The following PTPRD variants were observed in gnomAD, a reference collection of about 807,000 sequenced individuals.
PTPRD encodes protein tyrosine phosphatase receptor type D, also known as receptor-type tyrosine-protein phosphatase delta.
Under a neutral mutation model 214.5 loss-of-function variants are expected in PTPRD, and 34 were observed. The observed-to-expected ratio is 0.16, with a 90% CI of 0.12 to 0.21. PTPRD has a LOEUF of 0.21. PTPRD is among the 10% of genes least tolerant of loss of function. The pLI, the probability that PTPRD is intolerant of heterozygous loss-of-function variation, is 1.00. For missense variants in PTPRD, 2,545 were observed against 2,398.7 expected (o/e 1.06, Z -1.27); for synonymous variants, 1,128 against 845.7 (o/e 1.33, Z -5.79).
intron 12 of PTPRD, among the ~76,000 whole-genome samples, chr9:8,671,307 A>C (rs1206012460): frequency 1.3e-5 from 2 of 152,142 alleles, no homozygotes; most frequent in Non-Finnish European, 2.9e-5. Flanking sequence ...AATACAACTA[A>C]AGTAAAATGA....
chr9:10,170,680 C>G (rs1423027350), intron 3 of PTPRD, among the ~76,000 whole-genome samples: 1 of 152,160 alleles, frequency 6.6e-6, no homozygotes, highest in African/African-American at 2.4e-5. Context: ...GAGCAAGACT[C>G]CGTCTCAAAG....
At chr9:10,236,932 G>A (rs548906916) in intron 3 of PTPRD, among the ~76,000 whole-genome samples, 38 of 151,850 alleles carry the variant, frequency 2.5e-4, no homozygotes, top group African/African-American at 8.9e-4. Flanking sequence ...TTTGGTGGGG[G>A]GGCTGAAAAG....
At chr9:10,536,799 T>C (rs915067923) in intron 2 of PTPRD, among the ~76,000 whole-genome samples, 1 of 152,166 alleles carries the variant, frequency 6.6e-6, no homozygotes, top group East Asian at 1.9e-4. Flanking sequence ...AGAACTCCTC[T>C]TCTTCTACCT....
intron 11 of PTPRD, among the ~76,000 whole-genome samples, chr9:8,755,234 A>C (rs374813354): frequency 9.7e-5 from 13 of 134,518 alleles, no homozygotes; most frequent in African/African-American, 4.7e-4. Flanking sequence ...AAAAAAAAAC[A>C]AAAAAAACAA....
At chr9:8,438,993 T>A (rs35253812) in intron 34 of PTPRD, among the ~76,000 whole-genome samples, 7 of 152,194 alleles carry the variant, frequency 4.6e-5, no homozygotes, top group African/African-American at 9.7e-5. Flanking sequence ...CAGACCTACA[T>A]TGAGTCATTA....
chr9:8,331,698 A>G lies in PTPRD; in HGVS notation c.5418T>C (p.Thr1806=), dbSNP rs1454764516. The G allele has an allele frequency of 6.2e-7, 1 of 1,613,160 alleles. No individual in the cohort carries two copies. Among genetic ancestry groups the G allele is most frequent in the Non-Finnish European group, 8.5e-7 (1 of 1,179,654 alleles). Residue 1806 remains threonine, a synonymous_variant, in exon 44 of 46, where the codon ACT becomes ACC. Transcript: ENST00000381196. The part of the protein sequence containing the change: ...QSRTVRQFQF[T]DWPEQGVPKS... Reference sequence around the variant, plus strand: ...TTGGCACTCCTTGCTCTGGCCAGTCAGTGAACTGGAACTGCCTTACTGTTC... The same window carrying G: ...TTGGCACTCCTTGCTCTGGCCAGTCGGTGAACTGGAACTGCCTTACTGTTC...
At chr9:8,759,045 T>C (rs375370591) in intron 11 of PTPRD, among the ~76,000 whole-genome samples, 1 of 151,288 alleles carries the variant, frequency 6.6e-6, no homozygotes, top group African/African-American at 2.4e-5. Context: ...TTTTTTTTTT[T>C]AGAAAGAGAG....
chr9:9,116,115 C>G (rs2099812145), intron 10 of PTPRD, among the ~76,000 whole-genome samples: 1 of 152,072 alleles, frequency 6.6e-6, no homozygotes, highest in Admixed American at 6.6e-5. Context: ...ACTATGCTCA[C>G]TACCTGGGTA....
At chr9:8,629,979 A>G (rs1017430950) in intron 14 of PTPRD, among the ~76,000 whole-genome samples, 2 of 151,832 alleles carry the variant, frequency 1.3e-5, no homozygotes, top group Admixed American at 6.6e-5. Flanking sequence ...TTCGAGGCAC[A>G]TGGGTGGTCA....
intron 9 of PTPRD, among the ~76,000 whole-genome samples, chr9:9,266,482 A>C (rs1939738678): frequency 6.6e-6 from 1 of 151,454 alleles, no homozygotes; most frequent in Admixed American, 6.6e-5. Context: ...ATTCTCCAAG[A>C]TAGAACATTT....
chr9:8,677,430 C>G (rs1351831468), intron 12 of PTPRD, among the ~76,000 whole-genome samples: 1 of 152,088 alleles, frequency 6.6e-6, no homozygotes, highest in African/African-American at 2.4e-5. Context: ...AATGGAAAAC[C>G]AAACACCTCA....
intron 11 of PTPRD, among the ~76,000 whole-genome samples, chr9:8,801,612 AG>A (rs2096572678): frequency 6.6e-6 from 1 of 152,194 alleles, no homozygotes; most frequent in Admixed American, 6.5e-5. Flanking sequence ...GCTCCTCAGG[AG>A]GCTGAGTCAG....
chr9:9,907,143 T>C (rs898777879), intron 5 of PTPRD, among the ~76,000 whole-genome samples: 1 of 138,018 alleles, frequency 7.2e-6, no homozygotes, highest in African/African-American at 2.7e-5. Flanking sequence ...GTGTCCTTTT[T>C]TGCCTATTCC....
Position 9,497,913 on chromosome 9 carries a change from T to C in PTPRD, c.-237+76819A>G, listed in dbSNP as rs79347384. Among the ~76,000 whole-genome samples the C allele has an allele frequency of 4.2e-3, 640 of 152,284 alleles. 1 individual carries two copies. Among genetic ancestry groups the C allele is most frequent in the African/African-American group, 0.014 (599 of 41,576 alleles). On this transcript the variant is annotated intron_variant, in intron 8 of 45. Transcript: ENST00000381196. Reference sequence around the variant, plus strand: ...TCTTCACATATCAGGGCCTCAGTTTTCTCATCTATAAACTGTGCAGGTCAA... The same window carrying C: ...TCTTCACATATCAGGGCCTCAGTTTCCTCATCTATAAACTGTGCAGGTCAA...
chr9:8,420,088 C>G (rs1479400070), intron 35 of PTPRD, among the ~76,000 whole-genome samples: 1 of 152,090 alleles, frequency 6.6e-6, no homozygotes, highest in Non-Finnish European at 1.5e-5. Context: ...TCCCATTAAC[C>G]ATGGAGTAAA....
intron 33 of PTPRD, 110 bp from the exon 34 acceptor site, chr9:8,449,947 C>T (rs1166144561): frequency 1.9e-6 from 2 of 1,032,150 alleles, no homozygotes; most frequent in East Asian, 5.0e-5. Context: ...TTCAGTTTTA[C>T]AACTTTTCAA....
chr9:10,377,151 T>G (rs1345933134), intron 2 of PTPRD, among the ~76,000 whole-genome samples: 1 of 151,938 alleles, frequency 6.6e-6, no homozygotes, highest in East Asian at 1.9e-4. Context: ...GTGAGAAATG[T>G]GATGTTTGTC....
At chr9:9,495,226 G>A (rs4551426) in intron 8 of PTPRD, among the ~76,000 whole-genome samples, 90,648 of 150,556 alleles carry the variant, frequency 0.6, 28,310 homozygotes, top group African/African-American at 0.77. Context: ...ACTGAAATTA[G>A]TAAGTCTGAT....
chr9:8,401,104 T>C (rs2092321278), intron 36 of PTPRD, among the ~76,000 whole-genome samples: 2 of 152,160 alleles, frequency 1.3e-5, no homozygotes, highest in Non-Finnish European at 2.9e-5. Context: ...CACATCCAAG[T>C]ATTAGCTTCC....
Sources: gnomAD v4.1 joint callset for allele counts (sites outside exome capture counted in the v4.1 genomes callset) on GRCh38, gnomAD v4.1.1 for gene constraint, MANE v1.5 for transcripts, NCBI Gene and HGNC (gene_info 2026-07-23, HGNC 2026-07-21) for gene names.